Variants in SMOC2 observed in about 807,000 individuals in gnomAD.
SMOC2 encodes the protein SPARC related modular calcium binding 2.
SMOC2 carries 39 observed loss-of-function variants against 61.4 expected under a neutral mutation model. The ratio of observed to expected loss-of-function variants is 0.64; its 90% CI spans 0.49 to 0.83. The LOEUF (loss-of-function observed/expected upper bound fraction) is 0.83, where lower values mean the gene tolerates loss of function less well. Ranked by LOEUF, SMOC2 falls within the 40% of genes least tolerant of loss-of-function variation. The probability of loss-of-function intolerance (pLI) is 0.00; values close to 1 mark genes in which losing one functional copy is unlikely to be tolerated. For synonymous variants in SMOC2, 247 were observed against 239.9 expected, an observed-to-expected ratio of 1.03 and a Z score of -0.27; for missense variants, 556 against 592.9, an observed-to-expected ratio of 0.94 and a Z score of 0.65.
chr6:168,479,029 G>T (rs1453438963), intron 1 of SMOC2, among the ~76,000 whole-genome samples: 1 of 146,524 alleles, frequency 6.8e-6, no homozygotes, highest in African/African-American at 2.5e-5. Flanking sequence ...AAGGAGTCAG[G>T]AACGTTGAAT....
intron 2 of SMOC2, among the ~76,000 whole-genome samples, chr6:168,510,665 C>T (rs1401010885): frequency 6.6e-6 from 1 of 152,100 alleles, no homozygotes; most frequent in Non-Finnish European, 1.5e-5. Flanking sequence ...ACTAAAGATG[C>T]CTTTGAGATG....
intron 1 of SMOC2, among the ~76,000 whole-genome samples, chr6:168,447,287 T>C (rs1460398878): frequency 6.6e-6 from 1 of 152,182 alleles, no homozygotes; most frequent in African/African-American, 2.4e-5. Flanking sequence ...TCCAGGCTGG[T>C]CTCGAACTCC....
At chr6:168,637,991 C>A (rs1786787005) in intron 9 of SMOC2, among the ~76,000 whole-genome samples, 1 of 151,522 alleles carries the variant, frequency 6.6e-6, no homozygotes, top group Non-Finnish European at 1.5e-5. Context: ...CCTGCCCCAC[C>A]CTGCAGCGCC....
At position 168,569,721 on chromosome 6, in the gene SMOC2, G is replaced by A. The variant is rs113719252; in HGVS notation, c.637+20518G>A. On this transcript the variant is annotated intron_variant, in intron 7 of 12. Coordinates refer to ENST00000356284, the MANE Select transcript of SMOC2 (RefSeq NM_001166412.2). ...GGCCTTCCAGAGTGCTGGGATTACA[G>A]GTACGAGCCACCATGCCTGACCTGG... is the stretch of plus-strand genomic sequence containing the variant. 6.0e-3 allele frequency among the ~76,000 whole-genome samples: 910 copies of A among 152,298 alleles called. 2 individuals are homozygous for A. The highest frequency in any genetic ancestry group is 0.02 in the Middle Eastern group (6 of 294).
rs1051362329 is a variant in SMOC2 at position 168,453,686 on chromosome 6, CTCTAAT to C, written c.84+12236_84+12241del. On this transcript the variant is annotated intron_variant, in intron 1 of 12. Coordinates refer to ENST00000356284, the MANE Select transcript of SMOC2 (RefSeq NM_001166412.2). The surrounding 1 kb of genome is among the most constrained non-coding windows in gnomAD (Gnocchi z 4.4). The stretch of plus-strand genomic sequence containing the variant: ...TTCCTGTCTCTTTCTGTCTCTGTCT[CTCTAAT>C]TCTGTCTATTGATCTCTGCCATTCT... 5.9e-5 allele frequency among the ~76,000 whole-genome samples: 9 copies of C among 152,050 alleles called. No homozygotes were observed. In the East Asian group the frequency reaches 1.6e-3, roughly 26 times the overall value.
chr6:168,632,541 A>G (rs1020316304), intron 9 of SMOC2, among the ~76,000 whole-genome samples: 50 of 152,214 alleles, frequency 3.3e-4, no homozygotes, highest in African/African-American at 1.2e-3. Context: ...CTGCACCTCC[A>G]GTACGTACAC....
Position 168,455,333 on chromosome 6 carries a change from G to T in SMOC2, c.84+13879G>T, listed in dbSNP as rs553559641. Among the ~76,000 whole-genome samples, 102 of 152,288 alleles carry T rather than the reference G, an allele frequency of 6.7e-4. 3 individuals are homozygous for T. The South Asian group carries it at 0.021, about 31-fold the overall frequency. ...AATCAACTCAACATTTTCCTGTGTT[G>T]TGTCTTGTCCCAGTCGTGGTTTTCT... On this transcript the variant is annotated intron_variant, in intron 1 of 12. Transcript: ENST00000356284.
intron 4 of SMOC2, among the ~76,000 whole-genome samples, chr6:168,541,401 G>T (rs973537917): frequency 3.3e-5 from 5 of 152,154 alleles, no homozygotes; most frequent in Non-Finnish European, 5.9e-5. Flanking sequence ...CCCCTTTTCT[G>T]CAAGTACAGC....
intron 1 of SMOC2, among the ~76,000 whole-genome samples, chr6:168,484,584 CT>C (rs1181362378): frequency 2.6e-5 from 4 of 152,170 alleles, no homozygotes; most frequent in African/African-American, 9.7e-5. Flanking sequence ...AGCAATTCCA[CT>C]TCTGATTATG....
At chr6:168,649,942 T>C (rs982374811) in intron 9 of SMOC2, among the ~76,000 whole-genome samples, 2 of 152,094 alleles carry the variant, frequency 1.3e-5, no homozygotes, top group Admixed American at 1.3e-4. Flanking sequence ...TTCTTTCAAA[T>C]GTTATCTTGA....
chr6:168,530,078 C>A (rs747994), intron 4 of SMOC2, among the ~76,000 whole-genome samples: 29,579 of 152,118 alleles, frequency 0.19, 3,093 homozygotes, highest in Admixed American at 0.25. Flanking sequence ...ACCGAGGTTA[C>A]CATAGAAGCA....
intron 2 of SMOC2, among the ~76,000 whole-genome samples, chr6:168,520,352 G>C (rs1476908760): frequency 2.6e-5 from 4 of 152,140 alleles, no homozygotes; most frequent in Non-Finnish European, 5.9e-5. Context: ...CCACTCTGAG[G>C]GCTATCATTG....
intron 1 of SMOC2, among the ~76,000 whole-genome samples, chr6:168,466,941 T>C (rs1383082395): frequency 6.6e-6 from 1 of 152,172 alleles, no homozygotes; most frequent in African/African-American, 2.4e-5. Flanking sequence ...CCTTGTCTAC[T>C]CTGAGCTCTG....
chr6:168,576,920 A>C (rs1784816896), intron 7 of SMOC2, among the ~76,000 whole-genome samples: 1 of 152,040 alleles, frequency 6.6e-6, no homozygotes, highest in Non-Finnish European at 1.5e-5. Flanking sequence ...TCAAGCACGC[A>C]TGAGATTTCC....
rs115724108 is a variant in SMOC2 at position 168,582,636 on chromosome 6, A to G, written c.638-16182A>G. On this transcript the variant is annotated intron_variant, in intron 7 of 12. Transcript: ENST00000356284. ...CCAGCTCAGCTGTTGGAGGCACTGG[A>G]AGCTTTCTTTGGACGGTCCACCTGG... Among the ~76,000 whole-genome samples the G allele has an allele frequency of 8.1e-3, 1,235 of 152,220 alleles. 14 individuals carry two copies. Among genetic ancestry groups the G allele is most frequent in the African/African-American group, 0.028 (1,171 of 41,542 alleles).
At chr6:168,444,040 C>T (rs559149050) in intron 1 of SMOC2, among the ~76,000 whole-genome samples, 1 of 152,318 alleles carries the variant, frequency 6.6e-6, no homozygotes, top group East Asian at 1.9e-4. Flanking sequence ...TAAGAGAGTG[C>T]TATCAATTGA....
intron 2 of SMOC2, among the ~76,000 whole-genome samples, chr6:168,518,575 A>G (rs2144748): frequency 0.88 from 131,433 of 150,184 alleles, 58,772 homozygotes; most frequent in East Asian, 0.99. Context: ...GTATGTGACA[A>G]TGCATGTATG....
At chr6:168,563,843 A>G (rs1304521265) in intron 7 of SMOC2, among the ~76,000 whole-genome samples, 1 of 149,498 alleles carries the variant, frequency 6.7e-6, no homozygotes, top group Non-Finnish European at 1.5e-5. Context: ...ACCAGGTAAG[A>G]CTCCTCCCAA....
chr6:168,531,845 A>G (rs1337268292), intron 4 of SMOC2, among the ~76,000 whole-genome samples: 1 of 152,190 alleles, frequency 6.6e-6, no homozygotes, highest in East Asian at 1.9e-4. Context: ...TTCTCCCCCA[A>G]ATACCAAAGT....
Sources: gnomAD v4.1 joint callset for allele counts (sites outside exome capture counted in the v4.1 genomes callset) on GRCh38, gnomAD v4.1.1 for gene constraint, Gnocchi (gnomAD v3.1) non-coding constraint, MANE v1.5 for transcripts, NCBI Gene and HGNC (gene_info 2026-07-23, HGNC 2026-07-21) for gene names.